Variants in PHF19 observed in about 807,000 individuals in gnomAD.
PHF19 encodes polycomb like 3.
A neutral mutation model predicts 79.8 loss-of-function variants in PHF19; 21 were observed. The observed-to-expected ratio is 0.26, with a 90% confidence interval of 0.19 to 0.38. The LOEUF (loss-of-function observed/expected upper bound fraction) is 0.38. Among genes scored for constraint, PHF19 ranks in the 10% least tolerant of loss-of-function variants. The probability of loss-of-function intolerance (pLI) is 1.00; values close to 1 mark genes in which losing one functional copy is unlikely to be tolerated. For missense variants in PHF19, 445 were observed against 744.2 expected, an observed-to-expected ratio of 0.60 and a Z score of 4.68; for synonymous variants, 273 against 296.3, an observed-to-expected ratio of 0.92 and a Z score of 0.81.
At chr9:120,876,867 A>T in intron 1 of PHF19, 1 of 398,306 alleles carries the variant, frequency 2.5e-6, no homozygotes, top group Non-Finnish European at 3.4e-6. Context: ...AGGAAGAACG[A>T]CCTGTCACCC....
At chr9:120,900,429 C>T in the PHF19 span, among the ~76,000 whole-genome samples, 1 of 152,226 alleles carries the variant, frequency 6.6e-6, no homozygotes, top group African/African-American at 2.4e-5. Context: ...AGTCAATCTA[C>T]ATGTATGTGT....
At chr9:120,887,220 C>T (rs1359595614) in intron 1 of PHF19, among the ~76,000 whole-genome samples, 1 of 151,896 alleles carries the variant, frequency 6.6e-6, no homozygotes, top group Non-Finnish European at 1.5e-5. Flanking sequence ...TTTGGGAGGC[C>T]AAGGTGGGCG....
At chr9:120,863,965 C>CAT in intron 10 of PHF19, 84 bp downstream of exon 10, 1 of 1,095,912 alleles carries the variant, frequency 9.1e-7, no homozygotes. Flanking sequence ...AGGCAGGGAG[C>CAT]ATAGCCTGAG....
At chr9:120,883,175 G>T (rs2046212841) in intron 1 of PHF19, among the ~76,000 whole-genome samples, 1 of 151,734 alleles carries the variant, frequency 6.6e-6, no homozygotes, top group Admixed American at 6.6e-5. Context: ...GTGGGGAAAT[G>T]AGAGAAGTCT....
intron 1 of PHF19, chr9:120,894,659 C>T: frequency 3.1e-6 from 1 of 322,956 alleles, no homozygotes; most frequent in Non-Finnish European, 5.4e-6. Flanking sequence ...GCCAGGGCAG[C>T]CCCGCGCGTT....
chr9:120,872,037 C>CAG (rs1491425777), intron 3 of PHF19, among the ~76,000 whole-genome samples: 19 of 30,326 alleles, frequency 6.3e-4, no homozygotes, highest in African/African-American at 2.5e-3. Flanking sequence ...GACTCTGTCT[C>CAG]AAAAAAAAAA....
At chr9:120,897,310 G>A (rs1306680826), upstream of PHF19, among the ~76,000 whole-genome samples, 1 of 152,230 alleles carries the variant, frequency 6.6e-6, no homozygotes, top group African/African-American at 2.4e-5. Flanking sequence ...GACACAGGCT[G>A]GCCCAGAGGC....
At chr9:120,886,160 G>A (rs755330122) in intron 1 of PHF19, among the ~76,000 whole-genome samples, 16 of 152,216 alleles carry the variant, frequency 1.1e-4, no homozygotes, top group Non-Finnish European at 1.9e-4. Flanking sequence ...CTGGGCTGGA[G>A]CTGCACGGAG....
the PHF19 span, among the ~76,000 whole-genome samples, chr9:120,900,681 C>T: frequency 9.5e-4 from 145 of 152,300 alleles, no homozygotes; most frequent in African/African-American, 3.4e-3. Flanking sequence ...ATCCTCCTAT[C>T]TCAGCCTCTT....
At chr9:120,877,974 A>C (rs191138660), upstream of PHF19, among the ~76,000 whole-genome samples, 1 of 152,244 alleles carries the variant, frequency 6.6e-6, no homozygotes, top group African/African-American at 2.4e-5. Context: ...CAGACGGGCA[A>C]GAGACACAAG....
Position 120,873,609 on chromosome 9 carries a change from C to T in PHF19, c.268+370G>A, listed in dbSNP as rs895012800. 2.0e-5 allele frequency among the ~76,000 whole-genome samples: 3 copies of T among 152,348 alleles called. No homozygotes were observed. In the East Asian group the frequency reaches 5.8e-4, roughly 29 times the overall value. On this transcript the variant is annotated intron_variant, in intron 3 of 14. Transcript: ENST00000373896. ...ATCTAGAGCTGACAATTCTGAATAC[C>T]TGGGCACGCCCCCTTTTCTAGCCCA...
intron 1 of PHF19, among the ~76,000 whole-genome samples, chr9:120,888,791 T>G (rs1482396404): frequency 6.6e-6 from 1 of 152,182 alleles, no homozygotes; most frequent in African/African-American, 2.4e-5. Flanking sequence ...AAGGGAAGGC[T>G]GCAGGCACAG....
chr9:120,894,833 G>T (rs1380076232), exon 1 of PHF19: 2 of 1,228,770 alleles, frequency 1.6e-6, no homozygotes, highest in South Asian at 8.2e-5. Context: ...CCAGCATAGT[G>T]CAGGGCACGT....
intron 12 of PHF19, 109 bp from the exon 13 acceptor site, chr9:120,861,283 T>G (rs1432878425): frequency 1.3e-6 from 1 of 764,114 alleles, no homozygotes; most frequent in East Asian, 2.5e-5. Flanking sequence ...GGGCCCTCCC[T>G]AGGGTAAGAC....
At chr9:120,898,279 A>G (rs377497618), upstream of PHF19, among the ~76,000 whole-genome samples, 7 of 152,192 alleles carry the variant, frequency 4.6e-5, no homozygotes, top group East Asian at 1.4e-3. Flanking sequence ...ACTACACCCA[A>G]CTAATTTTTG....
At chr9:120,865,681 T>C in intron 9 of PHF19, 29 bp downstream of exon 9, 1 of 1,613,808 alleles carries the variant, frequency 6.2e-7, no homozygotes, top group Non-Finnish European at 8.5e-7. Flanking sequence ...CTCTGCCTCC[T>C]GCCACTGACA....
intron 1 of PHF19, among the ~76,000 whole-genome samples, chr9:120,875,404 C>T (rs996845337): frequency 6.6e-6 from 1 of 152,224 alleles, no homozygotes; most frequent in Non-Finnish European, 1.5e-5. Context: ...AGTCATCCAT[C>T]CCCATGCCAG....
At chr9:120,876,638 TC>T (rs1395442047) in intron 1 of PHF19, among the ~76,000 whole-genome samples, 1 of 152,092 alleles carries the variant, frequency 6.6e-6, no homozygotes, top group Admixed American at 6.5e-5. Flanking sequence ...CCGGGGCCTC[TC>T]CCAGGGCGGC....
upstream of PHF19, among the ~76,000 whole-genome samples, chr9:120,897,136 C>T (rs76118607): frequency 6.8e-4 from 103 of 152,376 alleles, no homozygotes; most frequent in African/African-American, 2.1e-3. Context: ...ATATTGGGAG[C>T]TTGCTCACAG....
Sources: allele counts gnomAD v4.1 joint callset (sites outside exome capture counted in the v4.1 genomes callset), GRCh38; gene constraint gnomAD v4.1.1; transcripts MANE v1.5; gene names NCBI Gene and HGNC (gene_info 2026-07-23, HGNC 2026-07-21).